The following THAP4 variants were observed in gnomAD, a reference collection of about 807,000 sequenced individuals.
THAP4 encodes peroxynitrite isomerase THAP4.
In THAP4, 18 loss-of-function variants were observed where a neutral mutation model predicts 48.1. That is an observed-to-expected ratio of 0.37 (90% CI 0.26 to 0.56). The LOEUF is 0.56. Among genes scored for constraint, THAP4 ranks in the 20% least tolerant of loss-of-function variants. THAP4 has a pLI of 0.78. For missense variants in THAP4, 656 were observed against 774.9 expected (o/e 0.85, Z 1.82); for synonymous variants, 345 against 324.9 (o/e 1.06, Z -0.66).
chr2:241,637,129 GC>G lies in THAP4; in HGVS notation c.-113del. On this transcript the variant is annotated 5_prime_UTR_variant, in exon 1 of 6. Transcript: ENST00000407315. ...GCGACACGGCTCGGGACGTGGGCCG[GC>G]CCGCGGCGTCCGCGCCGTACGGCAA... 2.0e-6 allele frequency: 2 copies of G among 996,188 alleles called. No homozygotes were observed. Among genetic ancestry groups the G allele is most frequent in the Non-Finnish European group, 2.4e-6 (2 of 838,816 alleles). The allele number at this position is 996,188 out of a possible 1,614,324, so 61.7% of individuals were successfully genotyped here.
intron 2 of THAP4, among the ~76,000 whole-genome samples, chr2:241,623,950 G>C (rs774905237): frequency 1.3e-5 from 2 of 152,192 alleles, no homozygotes; most frequent in Admixed American, 1.3e-4. Context: ...CGTCAATTCA[G>C]TTCTGACACG....
At chr2:241,595,859 G>T (rs535989699) in intron 5 of THAP4, among the ~76,000 whole-genome samples, 1 of 152,316 alleles carries the variant, frequency 6.6e-6, no homozygotes, top group African/African-American at 2.4e-5. Flanking sequence ...AGAGGCTGCT[G>T]TAAGACCAGC....
At chr2:241,603,873 G>A (rs1195837947) in intron 3 of THAP4, among the ~76,000 whole-genome samples, 2 of 151,960 alleles carry the variant, frequency 1.3e-5, no homozygotes, top group Non-Finnish European at 1.5e-5. Flanking sequence ...AAACTAACTC[G>A]CTGGCATGGT....
intron 2 of THAP4, among the ~76,000 whole-genome samples, chr2:241,627,364 C>T (rs1223341793): frequency 1.3e-5 from 2 of 152,196 alleles, no homozygotes; most frequent in South Asian, 2.1e-4. Context: ...ATTTAACAGG[C>T]GTTGGTATCC....
At chr2:241,585,609 C>T (rs948844236) in intron 5 of THAP4, among the ~76,000 whole-genome samples, 47 of 152,106 alleles carry the variant, frequency 3.1e-4, no homozygotes, top group African/African-American at 9.9e-4. Context: ...CAACTGGCCC[C>T]GATGCTTTTG....
rs1348567166 is a variant in THAP4 at position 241,616,406 on chromosome 2, T to G, written c.1241-9933A>C. Among the ~76,000 whole-genome samples the G allele has an allele frequency of 6.6e-6, 1 of 152,006 alleles. No homozygotes were observed. The highest frequency in any genetic ancestry group is 2.4e-5 in the African/African-American group (1 of 41,374). Reference sequence around the variant, plus strand: ...CCAGAGAGGCCCACCACAGAGCGGGTAAGCAGTGGCACCTGAGCAGGGGGA... The same window carrying G: ...CCAGAGAGGCCCACCACAGAGCGGGGAAGCAGTGGCACCTGAGCAGGGGGA... On this transcript the variant is annotated intron_variant, in intron 2 of 5. Transcript: ENST00000407315. This position sits in a 1 kb window ranked among gnomAD's most constrained non-coding sequence, Gnocchi z 4.6.
chr2:241,591,086 G>C (rs985788620), intron 5 of THAP4, among the ~76,000 whole-genome samples: 1 of 147,256 alleles, frequency 6.8e-6, no homozygotes, highest in Admixed American at 6.8e-5. Context: ...GATGATGATG[G>C]GCACTAGGAC....
At chr2:241,605,037 T>C (rs963754641) in intron 3 of THAP4, among the ~76,000 whole-genome samples, 1 of 152,240 alleles carries the variant, frequency 6.6e-6, no homozygotes, top group Non-Finnish European at 1.5e-5. Context: ...CTTCGAATGC[T>C]AGTCACAAAA....
At chr2:241,596,058 A>C (rs1468363639) in intron 5 of THAP4, among the ~76,000 whole-genome samples, 1 of 152,182 alleles carries the variant, frequency 6.6e-6, no homozygotes, top group African/African-American at 2.4e-5. Flanking sequence ...ACCGTGCTCC[A>C]TGTCCTTCCG....
At chr2:241,594,592 C>CAA in intron 5 of THAP4, 10 of 346,780 alleles carry the variant, frequency 2.9e-5, no homozygotes, top group South Asian at 7.8e-5. Context: ...CAAAACAAAA[C>CAA]AACAACAACA....
At position 241,601,537 on chromosome 2, in the gene THAP4, C is replaced by G. The variant is rs2067112877; in HGVS notation, c.1614+359G>C. The stretch of plus-strand genomic sequence containing the variant: ...GAGGATAATCATGAAGAAATACAAT[C>G]TAACAGTGTGTATCAAATTTAAAAT... On this transcript the variant is annotated intron_variant, in intron 5 of 5. Coordinates refer to ENST00000407315, the MANE Select transcript of THAP4 (RefSeq NM_015963.6). The surrounding 1 kb of genome is among the most constrained non-coding windows in gnomAD (Gnocchi z 4.0). Among the ~76,000 whole-genome samples the G allele has an allele frequency of 6.6e-6, 1 of 152,156 alleles. No homozygotes were observed. Among genetic ancestry groups the G allele is most frequent in the African/African-American group, 2.4e-5 (1 of 41,428 alleles).
In THAP4 at chr2:241,633,188, G is replaced by A; in HGVS notation, c.969C>T (p.Ala323=). 1 of 1,608,606 alleles carries A rather than the reference G, an allele frequency of 6.2e-7. No individual in the cohort carries two copies. The highest frequency in any genetic ancestry group is 8.5e-7 in the Non-Finnish European group (1 of 1,176,598). The change falls in exon 2 of 6, where the codon GCC becomes GCT. Residue 323 remains alanine, a synonymous_variant. Coordinates refer to ENST00000407315, the MANE Select transcript of THAP4 (RefSeq NM_015963.6). The surrounding 1 kb of genome is among the most constrained non-coding windows in gnomAD (Gnocchi z 7.5). ...TEAVQSEHSD[A]SPMSINEVIL... ...TGACCTCGTTGATGGACATGGGGCTGGCGTCGCTGTGCTCGCTCTGCACGG... is the reference window on the plus strand; with the variant it reads ...TGACCTCGTTGATGGACATGGGGCTAGCGTCGCTGTGCTCGCTCTGCACGG...
intron 2 of THAP4, among the ~76,000 whole-genome samples, chr2:241,613,109 T>C (rs1417226584): frequency 6.6e-6 from 1 of 152,174 alleles, no homozygotes; most frequent in African/African-American, 2.4e-5. Flanking sequence ...ACTCACTCTC[T>C]AGACCTTTTC....
At chr2:241,632,709 G>C (rs2067581421) in intron 2 of THAP4, among the ~76,000 whole-genome samples, 1 of 152,222 alleles carries the variant, frequency 6.6e-6, no homozygotes, top group African/African-American at 2.4e-5. Context: ...TACACACACA[G>C]ATGCCTCTTG....
chr2:241,608,197 G>A (rs2067212352), intron 2 of THAP4, among the ~76,000 whole-genome samples: 1 of 152,198 alleles, frequency 6.6e-6, no homozygotes, highest in Admixed American at 6.5e-5. Flanking sequence ...ACCAAGGAGG[G>A]CCGCACATGT....
intron 5 of THAP4, among the ~76,000 whole-genome samples, chr2:241,588,172 G>A (rs181574489): frequency 4.6e-4 from 70 of 151,548 alleles, no homozygotes; most frequent in Non-Finnish European, 8.4e-4. Flanking sequence ...CAACAAATAA[G>A]TGGAAAATTA....
chr2:241,630,999 A>G (rs1248434486), intron 2 of THAP4, among the ~76,000 whole-genome samples: 2 of 152,120 alleles, frequency 1.3e-5, no homozygotes, highest in Admixed American at 1.3e-4. Context: ...CAGAGGTTGC[A>G]GTTAGCTGAG....
chr2:241,604,236 AATTT>A (rs201924569), intron 3 of THAP4, among the ~76,000 whole-genome samples: 1 of 150,268 alleles, frequency 6.7e-6, no homozygotes, highest in Non-Finnish European at 1.5e-5. Flanking sequence ...ACACCCGGCT[AATTT>A]ATTTATTTAT....
intron 4 of THAP4, among the ~76,000 whole-genome samples, chr2:241,602,347 C>A (rs1355010821): frequency 6.6e-6 from 1 of 151,540 alleles, no homozygotes; most frequent in Non-Finnish European, 1.5e-5. Flanking sequence ...GATCTAGAGT[C>A]ACGCAGGCTG....
Sources: gnomAD v4.1 joint callset for allele counts (sites outside exome capture counted in the v4.1 genomes callset) on GRCh38, gnomAD v4.1.1 for gene constraint, Gnocchi (gnomAD v3.1) non-coding constraint, MANE v1.5 for transcripts, NCBI Gene and HGNC (gene_info 2026-07-23, HGNC 2026-07-21) for gene names.